UMAD1: variants seen among roughly 807,000 people sequenced by gnomAD.
UMAD1 encodes the protein UBAP1-MVB12-associated (UMA) domain containing 1, also known as UBAP1-MVB12-associated (UMA)-domain containing protein 1.
A neutral mutation model predicts 6.1 loss-of-function variants in UMAD1; 8 were observed. The observed-to-expected ratio is 1.30, with a 90% CI of 0.76 to 2.35. The LOEUF is 2.35. Among genes scored for constraint, UMAD1 ranks in the 30% most tolerant of loss-of-function variants. The pLI is 0.00. For missense variants in UMAD1, 130 were observed against 78.4 expected (o/e 1.66, Z -2.49); for synonymous variants, 56 against 31.4 (o/e 1.78, Z -2.61).
intron 2 of UMAD1, among the ~76,000 whole-genome samples, chr7:7,781,103 G>A (rs1455426676): frequency 6.6e-6 from 1 of 152,104 alleles, no homozygotes; most frequent in East Asian, 1.9e-4. Context: ...CTTCTAGAAA[G>A]CTTATACCTG....
At chr7:7,846,610 A>G (rs1783787734) in intron 3 of UMAD1, among the ~76,000 whole-genome samples, 1 of 152,086 alleles carries the variant, frequency 6.6e-6, no homozygotes, top group South Asian at 2.1e-4. Flanking sequence ...AAATTTTGAT[A>G]TGTTTTGATG....
intron 2 of UMAD1, among the ~76,000 whole-genome samples, chr7:7,748,242 C>T (rs1245650860): frequency 6.6e-6 from 1 of 151,826 alleles, no homozygotes; most frequent in Admixed American, 6.6e-5. Flanking sequence ...CCGTGCCCGG[C>T]CTATATGTTT....
At chr7:7,823,629 T>G (rs1303641806) in intron 3 of UMAD1, among the ~76,000 whole-genome samples, 1 of 152,148 alleles carries the variant, frequency 6.6e-6, no homozygotes, top group Non-Finnish European at 1.5e-5. Context: ...CTTACCTACT[T>G]TTCATTTTTT....
intron 1 of UMAD1, among the ~76,000 whole-genome samples, chr7:7,657,598 G>T (rs1295048156): frequency 2.0e-5 from 3 of 152,012 alleles, no homozygotes; most frequent in South Asian, 2.1e-4. Context: ...TTTTTTTCAG[G>T]TATGTCAAAG....
At chr7:7,758,471 A>G (rs1331669693) in intron 2 of UMAD1, among the ~76,000 whole-genome samples, 1 of 152,182 alleles carries the variant, frequency 6.6e-6, no homozygotes, top group Non-Finnish European at 1.5e-5. Context: ...GTATAATACA[A>G]CCAACATCCA....
chr7:7,663,128 T>C (rs1365238942), intron 1 of UMAD1, among the ~76,000 whole-genome samples: 1 of 151,832 alleles, frequency 6.6e-6, no homozygotes, highest in Non-Finnish European at 1.5e-5. Context: ...CTCTCAATCT[T>C]TTTGCCTTCT....
chr7:7,657,965 G>A (rs961725652), intron 1 of UMAD1, among the ~76,000 whole-genome samples: 16 of 152,274 alleles, frequency 1.1e-4, no homozygotes, highest in African/African-American at 3.8e-4. Flanking sequence ...TTTTCCATTT[G>A]TTTGTGTCCT....
intron 3 of UMAD1, among the ~76,000 whole-genome samples, chr7:7,862,074 GCA>G (rs916387126): frequency 1.3e-5 from 2 of 152,008 alleles, no homozygotes; most frequent in Admixed American, 6.5e-5. Flanking sequence ...TTCTATCAAA[GCA>G]CACACCAAAA....
At chr7:7,667,781 G>A (rs987278786) in intron 1 of UMAD1, among the ~76,000 whole-genome samples, 5 of 152,240 alleles carry the variant, frequency 3.3e-5, no homozygotes, top group East Asian at 3.9e-4. Context: ...CAACACAGAC[G>A]TCCTAAGTGT....
chr7:7,721,180 G>A (rs967744443), intron 2 of UMAD1, among the ~76,000 whole-genome samples: 3 of 152,182 alleles, frequency 2.0e-5, no homozygotes, highest in Admixed American at 6.5e-5. Context: ...CTTGATTGAC[G>A]ATTTCTAGTC....
chr7:7,838,983 A>C (rs1276970055), intron 3 of UMAD1, among the ~76,000 whole-genome samples: 3 of 152,230 alleles, frequency 2.0e-5, no homozygotes, highest in African/African-American at 7.2e-5. Context: ...AATTCAGATT[A>C]GCATTTACTT....
chr7:7,858,549 G>C (rs1784060981), intron 3 of UMAD1, among the ~76,000 whole-genome samples: 1 of 152,134 alleles, frequency 6.6e-6, no homozygotes, highest in Non-Finnish European at 1.5e-5. Context: ...TCTGGTACTG[G>C]GTTTTAAAAG....
At chr7:7,681,309 T>G (rs957003696) in intron 2 of UMAD1, among the ~76,000 whole-genome samples, 3 of 152,154 alleles carry the variant, frequency 2.0e-5, no homozygotes, top group Non-Finnish European at 4.4e-5. Context: ...GTCACAATTA[T>G]TAGATGGCAT....
In UMAD1 at chr7:7,671,444, C is replaced by T. The variant is rs908305574; in HGVS notation, c.-63-1865C>T. ...TTAGTCTACACTGAGGTTTTAATAT[C>T]AGCTATATACCCTTTATTTGATCCT... On this transcript the variant is annotated intron_variant, in intron 1 of 3. Transcript: ENST00000682710. Among the ~76,000 whole-genome samples the T allele has an allele frequency of 2.0e-5, 3 of 152,208 alleles. No individual in the cohort carries two copies. In the East Asian group the frequency reaches 5.8e-4, roughly 29 times the overall value.
At chr7:7,796,392 C>T (rs1400114944) in intron 2 of UMAD1, among the ~76,000 whole-genome samples, 3 of 151,664 alleles carry the variant, frequency 2.0e-5, no homozygotes, top group African/African-American at 7.3e-5. Context: ...GCTGGGATTA[C>T]AGGCGTGCCC....
intron 3 of UMAD1, among the ~76,000 whole-genome samples, chr7:7,834,806 G>A (rs1396249568): frequency 6.6e-6 from 1 of 152,174 alleles, no homozygotes. Context: ...TAGGGTAGAG[G>A]AAGAGATACA....
intron 2 of UMAD1, among the ~76,000 whole-genome samples, chr7:7,724,762 C>A (rs1035461288): frequency 1.3e-5 from 2 of 152,214 alleles, no homozygotes; most frequent in Non-Finnish European, 2.9e-5. Flanking sequence ...TCTCCTGATA[C>A]CTGGTATGCA....
intron 1 of UMAD1, among the ~76,000 whole-genome samples, chr7:7,657,103 A>G (rs1015677963): frequency 2.0e-5 from 3 of 152,166 alleles, no homozygotes; most frequent in African/African-American, 4.8e-5. Flanking sequence ...TGTTGTCTGC[A>G]TAAATGTCTT....
chr7:7,681,727 A>G (rs962978279), intron 2 of UMAD1, among the ~76,000 whole-genome samples: 10 of 152,294 alleles, frequency 6.6e-5, no homozygotes, highest in South Asian at 6.2e-4. Context: ...TCCAGCAAGC[A>G]TGGCACTATT....
Sources: allele counts gnomAD v4.1 joint callset (sites outside exome capture counted in the v4.1 genomes callset), GRCh38; gene constraint gnomAD v4.1.1; transcripts MANE v1.5; gene names NCBI Gene and HGNC (gene_info 2026-07-23, HGNC 2026-07-21).